Variants in FABP12 observed in about 807,000 individuals in gnomAD.
The protein encoded by FABP12 is fatty acid binding protein 12.
A neutral mutation model predicts 13.7 loss-of-function variants in FABP12; 19 were observed. That is an observed-to-expected ratio of 1.39 (90% confidence interval 0.97 to 2.04). The LOEUF (loss-of-function observed/expected upper bound fraction) is 2.04, where lower values mean the gene tolerates loss of function less well. Ranked by LOEUF, FABP12 falls within the 30% of genes most tolerant of loss-of-function variation. The probability of loss-of-function intolerance (pLI) is 0.00; values close to 1 mark genes in which losing one functional copy is unlikely to be tolerated. For missense variants in FABP12, 182 were observed against 164.2 expected, an observed-to-expected ratio of 1.11 and a Z score of -0.59; for synonymous variants, 61 against 57.0, an observed-to-expected ratio of 1.07 and a Z score of -0.32.
At chr8:81,572,599 G>A (rs566914602) in intron 1 of FABP12, among the ~76,000 whole-genome samples, 3 of 152,064 alleles carry the variant, frequency 2.0e-5, no homozygotes, top group African/African-American at 4.8e-5. Flanking sequence ...CCTGATCACC[G>A]CATCCATACC....
At chr8:81,537,463 C>T (rs151204215), upstream of FABP12, among the ~76,000 whole-genome samples, 8 of 151,958 alleles carry the variant, frequency 5.3e-5, no homozygotes, top group East Asian at 1.5e-3. Context: ...CCATGCGGTT[C>T]TAATGCACTT....
upstream of FABP12, among the ~76,000 whole-genome samples, chr8:81,538,744 T>G (rs373960270): frequency 3.3e-5 from 5 of 152,328 alleles, no homozygotes; most frequent in African/African-American, 1.2e-4. Flanking sequence ...GCCTCTAAGT[T>G]TGTGGCAATT....
intron 1 of FABP12, among the ~76,000 whole-genome samples, chr8:81,574,706 A>C (rs554617463): frequency 6.6e-6 from 1 of 152,122 alleles, no homozygotes; most frequent in Non-Finnish European, 1.5e-5. Context: ...GAATTTATCC[A>C]TCTCTTCTAG....
intron 1 of FABP12, among the ~76,000 whole-genome samples, chr8:81,540,973 C>A (rs936449173): frequency 1.3e-5 from 2 of 152,026 alleles, no homozygotes; most frequent in African/African-American, 4.8e-5. Flanking sequence ...CAAGACCAGT[C>A]TGGCCAAGAT....
intron 1 of FABP12, among the ~76,000 whole-genome samples, chr8:81,574,452 T>C (rs1021687982): frequency 6.6e-6 from 1 of 152,106 alleles, no homozygotes; most frequent in Admixed American, 6.5e-5. Context: ...GGTATTAGGG[T>C]GATGCTGGCT....
chr8:81,536,979 C>T (rs1809237684), upstream of FABP12, among the ~76,000 whole-genome samples: 1 of 152,166 alleles, frequency 6.6e-6, no homozygotes, highest in Admixed American at 6.5e-5. Flanking sequence ...TTTAGAGTCT[C>T]AAGTATAAAT....
At chr8:81,561,032 T>C (rs974781768) in intron 1 of FABP12, among the ~76,000 whole-genome samples, 14 of 152,204 alleles carry the variant, frequency 9.2e-5, no homozygotes, top group African/African-American at 3.4e-4. Flanking sequence ...TCTATGTTTG[T>C]ATCACATGTC....
intron 4 of FABP12, among the ~76,000 whole-genome samples, chr8:81,525,397 T>A (rs1487793897): frequency 6.6e-6 from 1 of 151,856 alleles, no homozygotes. Context: ...GCGCCTATAG[T>A]CCCAGCTACT....
At chr8:81,581,154 T>G (rs1810155243) in intron 1 of FABP12, among the ~76,000 whole-genome samples, 1 of 151,992 alleles carries the variant, frequency 6.6e-6, no homozygotes. Context: ...CTAATCAGAG[T>G]GCCAACAAGG....
rs200754597 is a variant in FABP12, at chr8:81,574,924, ATT to A, written c.-185+15127_-185+15128del. ...GCTTTTTGTTTCATTTATCTTTTGT[ATT>A]TTTTTTTTTGTTTCAATTTCATTTA... is the stretch of plus-strand genomic sequence containing the variant. On this transcript the variant is annotated intron_variant, in intron 1 of 5. Coordinates refer to the FABP12 transcript ENST00000692030. Among the ~76,000 whole-genome samples, 342 of 141,118 alleles carry A rather than the reference ATT, an allele frequency of 2.4e-3. 1 individual carries two copies. Among genetic ancestry groups the A allele is most frequent in the African/African-American group, 8.5e-3 (326 of 38,308 alleles). The allele number at this position is 141,118 out of a possible 152,430, so 92.6% of individuals were successfully genotyped here.
chr8:81,557,144 G>C (rs1212039820), intron 1 of FABP12, among the ~76,000 whole-genome samples: 1 of 151,964 alleles, frequency 6.6e-6, no homozygotes, highest in African/African-American at 2.4e-5. Context: ...CAAAGTGCTG[G>C]GATTGCAGGC....
chr8:81,559,758 C>A (rs964656910), intron 1 of FABP12, among the ~76,000 whole-genome samples: 1 of 152,144 alleles, frequency 6.6e-6, no homozygotes, highest in Admixed American at 6.5e-5. Flanking sequence ...ACACTACTGC[C>A]CCCTAGACTG....
At chr8:81,584,689 GATTTT>G (rs1222169806) in intron 1 of FABP12, among the ~76,000 whole-genome samples, 2 of 150,592 alleles carry the variant, frequency 1.3e-5, no homozygotes, top group African/African-American at 5.0e-5. Flanking sequence ...ATCATATGGT[GATTTT>G]ATTTTTAGTG....
At chr8:81,534,069 A>G (rs1287052108), upstream of FABP12, among the ~76,000 whole-genome samples, 1 of 152,060 alleles carries the variant, frequency 6.6e-6, no homozygotes, top group East Asian at 1.9e-4. Flanking sequence ...AACCCCAGAC[A>G]TTGGTGCTAT....
At chr8:81,527,033 C>G (rs956359181) in exon 4 of FABP12, 12 of 1,606,832 alleles carry the variant, frequency 7.5e-6, no homozygotes, top group Non-Finnish European at 1.0e-5. Context: ...CACCATTTTC[C>G]CATCCACCAG....
At chr8:81,562,716 A>G (rs2130049478) in intron 1 of FABP12, among the ~76,000 whole-genome samples, 1 of 151,934 alleles carries the variant, frequency 6.6e-6, no homozygotes, top group South Asian at 2.1e-4. Context: ...AGTGAGAAGA[A>G]CTTCATCTTG....
At position 81,566,284 on chromosome 8, in the gene FABP12, AGAG is replaced by A. The variant is rs543648408; in HGVS notation, c.-185+23766_-185+23768del. 4.6e-4 allele frequency among the ~76,000 whole-genome samples: 70 copies of A among 152,248 alleles called. No homozygotes were observed. In the East Asian group the frequency reaches 0.013, roughly 28 times the overall value. ...TTCTACTCAAACTATTCCAAAAAAT[AGAG>A]GAGAAGGGAATACTTTCAAACTCAT... On this transcript the variant is annotated intron_variant, in intron 1 of 5. Coordinates refer to the FABP12 transcript ENST00000692030.
upstream of FABP12, among the ~76,000 whole-genome samples, chr8:81,538,434 A>C (rs1809275850): frequency 6.6e-6 from 1 of 152,230 alleles, no homozygotes; most frequent in Non-Finnish European, 1.5e-5. Flanking sequence ...GATACTAATT[A>C]AGGATCTCAG....
At chr8:81,567,421 T>C (rs1809844650) in intron 1 of FABP12, among the ~76,000 whole-genome samples, 1 of 152,198 alleles carries the variant, frequency 6.6e-6, no homozygotes, top group African/African-American at 2.4e-5. Context: ...ACTGCAGAGC[T>C]ATGGTAACCA....
Sources: allele counts gnomAD v4.1 joint callset (sites outside exome capture counted in the v4.1 genomes callset), GRCh38; gene constraint gnomAD v4.1.1; transcripts MANE v1.5; gene names NCBI Gene and HGNC (gene_info 2026-07-23, HGNC 2026-07-21).